Variants in MEGF11 observed in about 807,000 individuals in gnomAD.
The protein encoded by MEGF11 is multiple EGF like domains 11.
A neutral mutation model predicts 146.6 loss-of-function variants in MEGF11; 126 were observed. That is an observed-to-expected ratio of 0.86 (90% CI 0.74 to 1.00). The LOEUF is 1.00. MEGF11 is among the 50% of genes least tolerant of loss of function. The pLI is 0.00. For missense variants in MEGF11, 1,509 were observed against 1,521.2 expected (o/e 0.99, Z 0.13); for synonymous variants, 532 against 583.4 (o/e 0.91, Z 1.27).
chr15:66,166,934 C>T (rs1436310728), intron 1 of MEGF11, among the ~76,000 whole-genome samples: 1 of 152,162 alleles, frequency 6.6e-6, no homozygotes, highest in East Asian at 1.9e-4. Context: ...AGAGTCAGGC[C>T]AAACTGCCCC....
chr15:65,995,673 T>C (rs2082176133), intron 5 of MEGF11, among the ~76,000 whole-genome samples: 2 of 152,294 alleles, frequency 1.3e-5, no homozygotes, highest in South Asian at 2.1e-4. Context: ...CCTTTCTGTG[T>C]CCTTCAGGAA....
At chr15:66,203,231 G>T (rs74707005) in intron 1 of MEGF11, among the ~76,000 whole-genome samples, 10 of 152,184 alleles carry the variant, frequency 6.6e-5, no homozygotes, top group African/African-American at 2.4e-4. Context: ...CCTTCATGGA[G>T]GTCGGAGAGC....
At position 65,982,170 on chromosome 15, in the gene MEGF11, C is replaced by G; in HGVS notation, c.641+72G>C. Reference sequence around the variant, plus strand: ...CCCCAGCCCCTCCACCTCCTCTACCCTCCCCACCCAGGCACCCTCCAGGTC... The same window carrying G: ...CCCCAGCCCCTCCACCTCCTCTACCGTCCCCACCCAGGCACCCTCCAGGTC... On this transcript the variant is annotated intron_variant, in intron 6 of 25. Coordinates refer to ENST00000395614, the MANE Select transcript of MEGF11 (RefSeq NM_001385028.1). The surrounding 1 kb of genome is among the most constrained non-coding windows in gnomAD (Gnocchi z 5.6). 1 of 1,455,502 alleles carries G rather than the reference C, an allele frequency of 6.9e-7. No homozygotes were observed. Among genetic ancestry groups the G allele is most frequent in the African/African-American group, 1.4e-5 (1 of 70,148 alleles). The allele number at this position is 1,455,502 out of a possible 1,614,324, so 90.2% of individuals were successfully genotyped here.
chr15:66,030,799 C>T lies in MEGF11; in HGVS notation c.395-48311G>A, dbSNP rs79627536. ...TGCTCAATTCCTACCACAGAGGCCACGTCCCCCGTGCCAAGCTGCACAAGG... is the reference window on the plus strand; with the variant it reads ...TGCTCAATTCCTACCACAGAGGCCATGTCCCCCGTGCCAAGCTGCACAAGG... On this transcript the variant is annotated intron_variant, in intron 5 of 25. Transcript: ENST00000395614. Among the ~76,000 whole-genome samples, 933 of 152,296 alleles carry T rather than the reference C, an allele frequency of 6.1e-3. 12 individuals carry two copies. The highest frequency in any genetic ancestry group is 0.021 in the African/African-American group (876 of 41,548).
chr15:65,945,432 G>A lies in MEGF11; in HGVS notation c.1287+12115C>T, dbSNP rs188470135. Among the ~76,000 whole-genome samples, 748 of 152,264 alleles carry A rather than the reference G, an allele frequency of 4.9e-3. 4 individuals carry two copies. The highest frequency in any genetic ancestry group is 8.7e-3 in the Non-Finnish European group (592 of 68,014). ...GGAGAGGGGAGCAGAGCTACTGAGG[G>A]AGATGGGGTGGGAGGGGGCACCCTG... On this transcript the variant is annotated intron_variant, in intron 10 of 25. Transcript: ENST00000395614.
At chr15:66,108,089 A>G (rs1238154710) in intron 4 of MEGF11, among the ~76,000 whole-genome samples, 1 of 152,212 alleles carries the variant, frequency 6.6e-6, no homozygotes, top group African/African-American at 2.4e-5. Context: ...GGCAGCCTGC[A>G]CGAAGCCCCA....
chr15:66,010,271 C>A (rs879931268), intron 5 of MEGF11, among the ~76,000 whole-genome samples: 12 of 150,908 alleles, frequency 8.0e-5, no homozygotes, highest in Non-Finnish European at 1.3e-4. Flanking sequence ...CGGCTCACTG[C>A]AACCTCCGCC....
intron 25 of MEGF11, 108 bp downstream of exon 25, chr15:65,898,620 A>G (rs1596806790): frequency 2.0e-6 from 3 of 1,523,246 alleles, no homozygotes; most frequent in Non-Finnish European, 2.6e-6. Context: ...TAAAAGCAAC[A>G]AAAGAAGGAT....
chr15:65,906,479 A>T (rs1209563866), intron 23 of MEGF11: 1 of 216,790 alleles, frequency 4.6e-6, no homozygotes, highest in African/African-American at 2.3e-5. Flanking sequence ...TTCTGATGCC[A>T]TTCCCTGCAG....
intron 1 of MEGF11, among the ~76,000 whole-genome samples, chr15:66,216,054 A>C (rs1306949839): frequency 1.3e-5 from 2 of 152,234 alleles, no homozygotes; most frequent in African/African-American, 4.8e-5. Context: ...GACAGAGTTC[A>C]TAGCAGAACA....
At chr15:65,971,530 G>A (rs1488982766) in intron 7 of MEGF11, among the ~76,000 whole-genome samples, 2 of 152,300 alleles carry the variant, frequency 1.3e-5, no homozygotes, top group African/African-American at 2.4e-5. Context: ...ACAGATGAAG[G>A]TGGGGGTGGA....
At chr15:66,036,945 G>A (rs1375010307) in intron 5 of MEGF11, among the ~76,000 whole-genome samples, 1 of 152,196 alleles carries the variant, frequency 6.6e-6, no homozygotes, top group African/African-American at 2.4e-5. Context: ...GATCCTCCCA[G>A]GCCTCAGGGA....
At chr15:66,020,103 G>A (rs969815501) in intron 5 of MEGF11, among the ~76,000 whole-genome samples, 2 of 152,228 alleles carry the variant, frequency 1.3e-5, no homozygotes, top group African/African-American at 2.4e-5. Context: ...CCTGTAGGAG[G>A]TTGATTCTAC....
chr15:66,179,735 C>G (rs2090490664), intron 1 of MEGF11, among the ~76,000 whole-genome samples: 1 of 152,078 alleles, frequency 6.6e-6, no homozygotes, highest in African/African-American at 2.4e-5. Flanking sequence ...AGAATTAAAG[C>G]CACGTGGATA....
chr15:66,028,979 A>G (rs573482581), intron 5 of MEGF11, among the ~76,000 whole-genome samples: 195 of 152,338 alleles, frequency 1.3e-3, no homozygotes, highest in African/African-American at 4.4e-3. Flanking sequence ...CAAATAATAA[A>G]TGTTTGTCAA....
chr15:66,148,662 G>C (rs1264886992), intron 1 of MEGF11, among the ~76,000 whole-genome samples: 1 of 152,218 alleles, frequency 6.6e-6, no homozygotes, highest in African/African-American at 2.4e-5. Context: ...TGCCCAGCCA[G>C]TGCCCCCTCT....
At chr15:66,043,499 C>T (rs471751) in intron 5 of MEGF11, among the ~76,000 whole-genome samples, 106,907 of 152,160 alleles carry the variant, frequency 0.7, 39,965 homozygotes, top group Non-Finnish European at 0.83. Flanking sequence ...GTTTGCACAG[C>T]GAATGTAATT....
intron 1 of MEGF11, among the ~76,000 whole-genome samples, chr15:66,243,358 C>A (rs559464362): frequency 6.6e-6 from 1 of 152,240 alleles, no homozygotes; most frequent in Admixed American, 6.5e-5. Context: ...GGGCCCTGAC[C>A]GGGGAGGCAG....
chr15:66,252,523 C>T (rs967894680), intron 1 of MEGF11, among the ~76,000 whole-genome samples: 1 of 152,126 alleles, frequency 6.6e-6, no homozygotes, highest in African/African-American at 2.4e-5. Flanking sequence ...GGGCACCGAT[C>T]CCGAGACGCG....
Sources: allele counts gnomAD v4.1 joint callset (sites outside exome capture counted in the v4.1 genomes callset), GRCh38; gene constraint gnomAD v4.1.1; non-coding constraint Gnocchi (gnomAD v3.1); transcripts MANE v1.5; gene names NCBI Gene and HGNC (gene_info 2026-07-23, HGNC 2026-07-21).